The following BRMS1 variants were observed in gnomAD, a reference collection of about 807,000 sequenced individuals.
BRMS1 encodes the protein BRMS1 transcriptional repressor and anoikis regulator.
Under a neutral mutation model 40.4 loss-of-function variants are expected in BRMS1, and 26 were observed. That is an observed-to-expected ratio of 0.64 (90% CI 0.47 to 0.89). The LOEUF (loss-of-function observed/expected upper bound fraction) is 0.89. Ranked by LOEUF, BRMS1 falls within the 40% of genes least tolerant of loss-of-function variation. BRMS1 has a pLI of 0.00. For missense variants in BRMS1, 289 were observed against 309.4 expected (o/e 0.93, Z 0.49); for synonymous variants, 103 against 116.0 (o/e 0.89, Z 0.72).
rs756110628 is a variant in BRMS1 at position 66,341,075 on chromosome 11, T to A, written c.359-29A>T. The A allele has an allele frequency of 6.2e-7, 1 of 1,612,898 alleles. No individual in the cohort carries two copies. Among genetic ancestry groups the A allele is most frequent in the East Asian group, 2.2e-5 (1 of 44,876 alleles). On this transcript the variant is annotated intron_variant, in intron 4 of 9. Coordinates refer to ENST00000359957, the MANE Select transcript of BRMS1 (RefSeq NM_015399.4). The surrounding 1 kb of genome is among the most constrained non-coding windows in gnomAD (Gnocchi z 4.9). ...CAGAGAAAGGGAGGAGGGTCCCTGC[T>A]TGGCTGGGGAGCCCGGTGCCCACAT...
At position 66,341,343 on chromosome 11, in the gene BRMS1, A is replaced by C. The variant is rs1855069547; in HGVS notation, c.231-10T>G. The C allele has an allele frequency of 6.2e-7, 1 of 1,610,262 alleles. No homozygotes were observed. The highest frequency in any genetic ancestry group is 1.3e-5 in the African/African-American group (1 of 74,792). ...TCGTTCCCTGAACAACCTGCGTGGT[A>C]AAAAGGCAGCCGTGCACCCATTTGC... is the stretch of plus-strand genomic sequence containing the variant. On this transcript the variant is annotated splice_polypyrimidine_tract_variant and intron_variant, in intron 3 of 9. Transcript: ENST00000359957. The surrounding 1 kb of genome is among the most constrained non-coding windows in gnomAD (Gnocchi z 4.9).
In BRMS1 at chr11:66,337,603, G is replaced by A; in HGVS notation, c.*279C>T. ...CTCTGTCAGGGGAGCCCCAAGAGAT[G>A]GATCTTCAGGAGTGGGAGGTGGCAG... On this transcript the variant is annotated 3_prime_UTR_variant, in exon 10 of 10. Transcript: ENST00000359957. 1 of 1,282,440 alleles carries A rather than the reference G, an allele frequency of 7.8e-7. No individual in the cohort carries two copies. The highest frequency in any genetic ancestry group is 1.4e-5 in the South Asian group (1 of 70,756). The allele number at this position is 1,282,440 out of a possible 1,614,324, so 79.4% of individuals were successfully genotyped here. A position where few individuals can be genotyped will look rare whatever the true frequency, so the allele number is the denominator to read the frequency against.
chr11:66,344,625 G>C (rs972219013), intron 1 of BRMS1: 1 of 152,276 alleles, frequency 6.6e-6, no homozygotes, highest in Non-Finnish European at 1.5e-5. Context: ...TTCCTGCTCT[G>C]AGTGTTGAGG....
intron 1 of BRMS1, among the ~76,000 whole-genome samples, chr11:66,344,147 G>T (rs1327926755): frequency 6.6e-6 from 1 of 152,182 alleles, no homozygotes; most frequent in Non-Finnish European, 1.5e-5. Flanking sequence ...ACTAGGGCAG[G>T]GGCTGCACAT....
chr11:66,343,775 G>T (rs1251180747), intron 1 of BRMS1, among the ~76,000 whole-genome samples: 1 of 152,220 alleles, frequency 6.6e-6, no homozygotes, highest in Admixed American at 6.5e-5. Flanking sequence ...AAGGCACAAT[G>T]TGTGCGATCA....
At position 66,341,135 on chromosome 11, in the gene BRMS1, G is replaced by A; in HGVS notation, c.358+71C>T. The A allele has an allele frequency of 6.2e-7, 1 of 1,612,216 alleles. No individual in the cohort carries two copies. Among genetic ancestry groups the A allele is most frequent in the Non-Finnish European group, 8.5e-7 (1 of 1,178,986 alleles). On this transcript the variant is annotated intron_variant, in intron 4 of 9. Coordinates refer to ENST00000359957, the MANE Select transcript of BRMS1 (RefSeq NM_015399.4). The surrounding 1 kb of genome is among the most constrained non-coding windows in gnomAD (Gnocchi z 4.9). The stretch of plus-strand genomic sequence containing the variant: ...GAGAGCAAAGGGCAAGGCCGGGCAG[G>A]AACGAGAGAGGAAGGGGACAGGGTG...
intron 1 of BRMS1, among the ~76,000 whole-genome samples, chr11:66,342,621 C>A (rs901061955): frequency 2.6e-5 from 4 of 152,242 alleles, no homozygotes; most frequent in Admixed American, 6.5e-5. Context: ...AGCTGGAGTG[C>A]AGTGGCACGA....
chr11:66,342,032 T>C (rs1855095651), intron 2 of BRMS1, 64 bp downstream of exon 2: 2 of 1,530,482 alleles, frequency 1.3e-6, no homozygotes, highest in Non-Finnish European at 1.8e-6. Context: ...GGGCTGTGTG[T>C]GTGCATGTGT....
intron 1 of BRMS1, among the ~76,000 whole-genome samples, chr11:66,343,012 T>C (rs1855120892): frequency 6.6e-6 from 1 of 152,230 alleles, no homozygotes; most frequent in African/African-American, 2.4e-5. Flanking sequence ...TGTCTTCAGC[T>C]TCTAACTCTT....
At chr11:66,337,939 G>C in intron 9 of BRMS1, 50 bp from the exon 10 acceptor site, 1 of 1,576,708 alleles carries the variant, frequency 6.3e-7, no homozygotes, top group Non-Finnish European at 8.7e-7. Context: ...GAAGCTGAAA[G>C]GAAGGAGGCA....
intron 1 of BRMS1, among the ~76,000 whole-genome samples, chr11:66,344,340 C>A (rs955519209): frequency 6.6e-6 from 1 of 152,186 alleles, no homozygotes; most frequent in Non-Finnish European, 1.5e-5. Flanking sequence ...TAAGCCTGGC[C>A]TAGGTGAGTG....
At chr11:66,339,957 A>C (rs536068138) in intron 7 of BRMS1, 164 bp downstream of exon 7, 1 of 593,500 alleles carries the variant, frequency 1.7e-6, no homozygotes, top group East Asian at 2.8e-5. Flanking sequence ...CCCCGTAAGA[A>C]ACTGCTGACA....
intron 1 of BRMS1, among the ~76,000 whole-genome samples, chr11:66,343,380 C>T (rs150809895): frequency 3.3e-5 from 5 of 152,276 alleles, no homozygotes; most frequent in East Asian, 3.9e-4. Flanking sequence ...TGCTAGGTAC[C>T]GTCAGACGCT....
rs375487769 is a variant in BRMS1, at chr11:66,337,699, G to A, written c.*183C>T. ...CCACGGCCACAGCTGTGCAGGCCTCGAGGAGGGCAGAGGAGGAGTCCAGGC... is the reference window on the plus strand; with the variant it reads ...CCACGGCCACAGCTGTGCAGGCCTCAAGGAGGGCAGAGGAGGAGTCCAGGC... On this transcript the variant is annotated 3_prime_UTR_variant, in exon 10 of 10. Coordinates refer to ENST00000359957, the MANE Select transcript of BRMS1 (RefSeq NM_015399.4). The A allele has an allele frequency of 3.9e-4, 631 of 1,598,800 alleles. No homozygotes were observed. Among genetic ancestry groups the A allele is most frequent in the Non-Finnish European group, 5.2e-4 (611 of 1,173,506 alleles).
At position 66,337,414 on chromosome 11, in the gene BRMS1, G is replaced by A. The variant is rs1396225352; in HGVS notation, c.*468C>T. On this transcript the variant is annotated 3_prime_UTR_variant, in exon 10 of 10. Transcript: ENST00000359957. ...AAGAACTGCCCTGAGAACACCTGGGGGGCCTGGCATCTTGCCTCCAGATCC... is the reference window on the plus strand; with the variant it reads ...AAGAACTGCCCTGAGAACACCTGGGAGGCCTGGCATCTTGCCTCCAGATCC... The A allele has an allele frequency of 2.0e-6, 1 of 496,636 alleles. No homozygotes were observed. The highest frequency in any genetic ancestry group is 3.1e-5 in the East Asian group (1 of 32,456). 30.8% of individuals were successfully genotyped at this position (496,636 alleles called of 1,614,324 possible). A position where few individuals can be genotyped will look rare whatever the true frequency, so the allele number is the denominator to read the frequency against.
intron 6 of BRMS1, among the ~76,000 whole-genome samples, chr11:66,340,513 G>C (rs1227735287): frequency 6.6e-6 from 1 of 152,210 alleles, no homozygotes; most frequent in East Asian, 1.9e-4. Context: ...GAGGGGACTA[G>C]AGCTATTGCA....
chr11:66,344,408 G>T (rs893921363), intron 1 of BRMS1, among the ~76,000 whole-genome samples: 1 of 152,258 alleles, frequency 6.6e-6, no homozygotes, highest in South Asian at 2.1e-4. Context: ...GAAAGGCTCG[G>T]TTCTCTAAAC....
chr11:66,337,731 C>T lies in BRMS1; in HGVS notation c.*151G>A, dbSNP rs1398728672. 5 of 1,611,892 alleles carry T rather than the reference C, an allele frequency of 3.1e-6. No homozygotes were observed. Among genetic ancestry groups the T allele is most frequent in the Non-Finnish European group, 4.2e-6 (5 of 1,179,448 alleles). On this transcript the variant is annotated 3_prime_UTR_variant, in exon 10 of 10. Coordinates refer to ENST00000359957, the MANE Select transcript of BRMS1 (RefSeq NM_015399.4). Reference sequence around the variant, plus strand: ...GCAGAGGAGGAGTCCAGGCCAGTGCCAGATGGAGTGGGAGGGCCCAGCAGC... The same window carrying T: ...GCAGAGGAGGAGTCCAGGCCAGTGCTAGATGGAGTGGGAGGGCCCAGCAGC...
chr11:66,342,138 C>A lies in BRMS1; in HGVS notation c.97G>T (p.Glu33Ter). The A allele has an allele frequency of 6.2e-7, 1 of 1,613,884 alleles. No homozygotes were observed. The highest frequency in any genetic ancestry group is 8.5e-7 in the Non-Finnish European group (1 of 1,180,004). Residue 33 changes from glutamate (E) to a stop codon, truncating the protein, a stop_gained, in exon 2 of 10, where the codon GAG becomes TAG. Coordinates refer to ENST00000359957, the MANE Select transcript of BRMS1 (RefSeq NM_015399.4). LOFTEE classifies it high-confidence loss of function. ...GACTCTGTCTGGCTGCCGCTCCGCTCCTCCTCACTCTCTTCCTCCTCCCCA... is the reference window on the plus strand; with the variant it reads ...GACTCTGTCTGGCTGCCGCTCCGCTACTCCTCACTCTCTTCCTCCTCCCCA... ...MNGEEEESEE[E>*]RSGSQTESEE...
Sources: allele counts gnomAD v4.1 joint callset (sites outside exome capture counted in the v4.1 genomes callset), GRCh38; gene constraint gnomAD v4.1.1; non-coding constraint Gnocchi (gnomAD v3.1); transcripts MANE v1.5; gene names NCBI Gene and HGNC (gene_info 2026-07-23, HGNC 2026-07-21).